Variants in RBPJ observed in about 807,000 individuals in gnomAD.
The protein encoded by RBPJ is recombination signal binding protein for immunoglobulin kappa J region.
RBPJ carries 9 observed loss-of-function variants against 67.8 expected under a neutral mutation model. That is an observed-to-expected ratio of 0.13 (90% confidence interval 0.08 to 0.23). The LOEUF (loss-of-function observed/expected upper bound fraction) is 0.23, where lower values mean the gene tolerates loss of function less well. Among genes scored for constraint, RBPJ ranks in the 10% least tolerant of loss-of-function variants. The pLI is 1.00. For synonymous variants in RBPJ, 198 were observed against 203.3 expected, an observed-to-expected ratio of 0.97 and a Z score of 0.22; for missense variants, 305 against 595.6, an observed-to-expected ratio of 0.51 and a Z score of 5.08.
At chr4:26,403,743 C>T (rs567469125) in intron 2 of RBPJ, among the ~76,000 whole-genome samples, 7 of 152,128 alleles carry the variant, frequency 4.6e-5, no homozygotes, top group Admixed American at 1.3e-4. Flanking sequence ...GCATAATATT[C>T]GGTGGTGTGT....
chr4:26,280,100 AAG>A (rs1026142638), intron 1 of RBPJ, among the ~76,000 whole-genome samples: 4 of 149,616 alleles, frequency 2.7e-5, no homozygotes, highest in Non-Finnish European at 5.9e-5. Flanking sequence ...ATTGTCTTTT[AAG>A]AGAGAGCCTT....
At chr4:26,427,998 G>A (rs968948984) in intron 7 of RBPJ, among the ~76,000 whole-genome samples, 28 of 152,154 alleles carry the variant, frequency 1.8e-4, no homozygotes, top group African/African-American at 5.3e-4. Context: ...GACTAGTTGC[G>A]TTATAAGCTT....
chr4:26,118,114 A>G, the RBPJ span, among the ~76,000 whole-genome samples: 1 of 152,256 alleles, frequency 6.6e-6, no homozygotes, highest in African/African-American at 2.4e-5. Flanking sequence ...TATGTCCACC[A>G]CTAAGATTCA....
intron 1 of RBPJ, chr4:26,321,918 C>T (rs1723121604): frequency 6.6e-6 from 1 of 152,238 alleles, no homozygotes; most frequent in Non-Finnish European, 1.5e-5. Context: ...ACTTAGTTTT[C>T]TCCTCCGCAC....
intron 1 of RBPJ, among the ~76,000 whole-genome samples, chr4:26,344,894 TC>T (rs1264532875): frequency 6.6e-6 from 1 of 152,212 alleles, no homozygotes; most frequent in Non-Finnish European, 1.5e-5. Flanking sequence ...TTAACATGTT[TC>T]CTGATCATAA....
In RBPJ at chr4:26,407,212, A is replaced by G. The variant is rs541163692; in HGVS notation, c.155+942A>G. ...CCCAAAAGTACCGTTTTGCAAAGGAAAAGGCTGAATAAGCTCTTGATCCTA... is the reference window on the plus strand; with the variant it reads ...CCCAAAAGTACCGTTTTGCAAAGGAGAAGGCTGAATAAGCTCTTGATCCTA... On this transcript the variant is annotated intron_variant, in intron 3 of 10. Coordinates refer to ENST00000355476, the MANE Select transcript of RBPJ (RefSeq NM_015874.6). 3.3e-5 allele frequency among the ~76,000 whole-genome samples: 5 copies of G among 152,346 alleles called. No individual in the cohort carries two copies. The East Asian group carries it at 7.7e-4, about 23-fold the overall frequency.
intron 1 of RBPJ, among the ~76,000 whole-genome samples, chr4:26,306,974 T>C (rs1269115937): frequency 2.0e-5 from 3 of 152,146 alleles, no homozygotes; most frequent in African/African-American, 7.2e-5. Flanking sequence ...AAATAGTTTA[T>C]TAAAATTATA....
At chr4:26,354,807 T>C (rs145768810) in intron 1 of RBPJ, among the ~76,000 whole-genome samples, 95 of 152,228 alleles carry the variant, frequency 6.2e-4, no homozygotes, top group African/African-American at 2.2e-3. Context: ...GAAACTGTAA[T>C]TGTATTTAGA....
chr4:26,381,433 A>T (rs1172671037), intron 1 of RBPJ, among the ~76,000 whole-genome samples: 2 of 149,858 alleles, frequency 1.3e-5, no homozygotes, highest in African/African-American at 2.4e-5. Context: ...ATTGCAGCTT[A>T]AAAAAAATCT....
At chr4:26,126,510 T>A in the RBPJ span, among the ~76,000 whole-genome samples, 1 of 152,260 alleles carries the variant, frequency 6.6e-6, no homozygotes, top group Non-Finnish European at 1.5e-5. Flanking sequence ...GATGCTTTCC[T>A]GGGACGTGGA....
the RBPJ span, among the ~76,000 whole-genome samples, chr4:26,148,680 A>G: frequency 2.0e-5 from 3 of 152,256 alleles, no homozygotes; most frequent in Non-Finnish European, 4.4e-5. Flanking sequence ...AAGCAGTGCT[A>G]TTCCTGGCAG....
chr4:26,250,388 G>T (rs1720071411), intron 1 of RBPJ, among the ~76,000 whole-genome samples: 2 of 136,940 alleles, frequency 1.5e-5, no homozygotes, highest in Non-Finnish European at 3.0e-5. Flanking sequence ...CTGTAGTACA[G>T]TAGCGTGGTC....
At chr4:26,250,751 G>A (rs1178712942) in intron 1 of RBPJ, among the ~76,000 whole-genome samples, 1 of 152,192 alleles carries the variant, frequency 6.6e-6, no homozygotes, top group African/African-American at 2.4e-5. Context: ...TAATAACTAT[G>A]AACATTGGTG....
chr4:26,333,628 A>G (rs1724483733), intron 1 of RBPJ, among the ~76,000 whole-genome samples: 1 of 152,086 alleles, frequency 6.6e-6, no homozygotes, highest in Non-Finnish European at 1.5e-5. Context: ...GGGCTCAAGC[A>G]TTCTTCCTGC....
intron 7 of RBPJ, among the ~76,000 whole-genome samples, chr4:26,425,697 T>C (rs1375217873): frequency 1.3e-5 from 2 of 152,184 alleles, no homozygotes; most frequent in African/African-American, 4.8e-5. Context: ...GCCACCACCC[T>C]CCCAATTTTC....
chr4:26,142,787 TGA>T, the RBPJ span, among the ~76,000 whole-genome samples: 2 of 150,734 alleles, frequency 1.3e-5, no homozygotes, highest in Admixed American at 6.6e-5. Flanking sequence ...TGTGTGTGTG[TGA>T]GAGAGAGAGA....
At position 26,434,618 on chromosome 4, in the gene RBPJ, CCT is replaced by C. The variant is rs975442306; in HGVS notation, c.*3612_*3613del. The C allele has an allele frequency of 6.6e-6, 1 of 152,092 alleles. No homozygotes were observed. The highest frequency in any genetic ancestry group is 2.4e-5 in the African/African-American group (1 of 41,392). 9.4% of individuals were successfully genotyped at this position (152,092 alleles called of 1,614,324 possible). A position where few individuals can be genotyped will look rare whatever the true frequency, so the allele number is the denominator to read the frequency against. On this transcript the variant is annotated 3_prime_UTR_variant, in exon 11 of 11. Coordinates refer to ENST00000355476, the MANE Select transcript of RBPJ (RefSeq NM_015874.6). ...CTGTATCTCCTTTTGTTAATTTTCC[CCT>C]GTGTTGTGATAAATGTTTGCCAGCA...
intron 1 of RBPJ, among the ~76,000 whole-genome samples, chr4:26,352,363 C>A (rs569607777): frequency 5.9e-5 from 9 of 152,312 alleles, no homozygotes; most frequent in African/African-American, 1.9e-4. Context: ...GGACACTAAT[C>A]CCATTCATGA....
intron 1 of RBPJ, among the ~76,000 whole-genome samples, chr4:26,287,153 C>T (rs758269185): frequency 5.3e-5 from 8 of 151,956 alleles, no homozygotes; most frequent in South Asian, 4.1e-4. Context: ...TAGCATGCTA[C>T]GGTAAAAAGA....
Sources: gnomAD v4.1 joint callset for allele counts (sites outside exome capture counted in the v4.1 genomes callset) on GRCh38, gnomAD v4.1.1 for gene constraint, MANE v1.5 for transcripts, NCBI Gene and HGNC (gene_info 2026-07-23, HGNC 2026-07-21) for gene names.